TSPAN7: variants seen among roughly 807,000 people sequenced by gnomAD.
TSPAN7 encodes the protein tetraspanin 7.
Under a neutral mutation model 17.6 loss-of-function variants are expected in TSPAN7, and 1 was observed. The ratio of observed to expected loss-of-function variants is 0.06; its 90% CI spans 0.02 to 0.27. TSPAN7 has a LOEUF of 0.27. TSPAN7 is among the 10% of genes least tolerant of loss of function. TSPAN7 has a pLI of 1.00. For missense variants in TSPAN7, 112 were observed against 201.7 expected, an observed-to-expected ratio of 0.56 and a Z score of 2.69; for synonymous variants, 78 against 79.0, an observed-to-expected ratio of 0.99 and a Z score of 0.07.
At chrX:38,658,339 C>T (rs1417947616) in intron 1 of TSPAN7, among the ~76,000 whole-genome samples, 1 of 105,798 alleles carries the variant, frequency 9.5e-6, no homozygotes, top group East Asian at 2.9e-4. Flanking sequence ...TGCTGACACA[C>T]CTGGCTAATT....
At chrX:38,578,091 A>G (rs1170357531) in intron 1 of TSPAN7, among the ~76,000 whole-genome samples, 2 of 111,219 alleles carry the variant, frequency 1.8e-5, no homozygotes, top group African/African-American at 6.6e-5. Flanking sequence ...AAAATGGGTG[A>G]TCAGGTAGAT....
At chrX:38,650,984 T>G (rs2069672411) in intron 1 of TSPAN7, among the ~76,000 whole-genome samples, 1 of 109,431 alleles carries the variant, frequency 9.1e-6, no homozygotes, top group Non-Finnish European at 1.9e-5. Context: ...TAATGTGTCC[T>G]TGATGAGAGC....
rs71903430 is a variant in TSPAN7, at chrX:38,659,001, T to TAC, written c.82-7083_82-7082dup. Among the ~76,000 whole-genome samples the TAC allele has an allele frequency of 9.3e-3, 890 of 96,170 alleles. 17 individuals carry two copies. The highest frequency in any genetic ancestry group is 0.032 in the African/African-American group (827 of 25,492). 83.5% of individuals were successfully genotyped at this position (96,170 alleles called of 115,157 possible). On this transcript the variant is annotated intron_variant, in intron 1 of 7. Transcript: ENST00000378482. ...GCCATATAACATGTATTATCTTCCA[T>TAC]ACACACACACACACACACACACACA...
chrX:38,588,530 T>A (rs1355605900), intron 1 of TSPAN7, among the ~76,000 whole-genome samples: 1 of 112,026 alleles, frequency 8.9e-6, no homozygotes, highest in East Asian at 2.8e-4. Context: ...CTTAGCCTTA[T>A]CCATCAATCA....
chrX:38,590,122 CT>C (rs1349059161), intron 1 of TSPAN7, among the ~76,000 whole-genome samples: 1 of 111,137 alleles, frequency 9.0e-6, no homozygotes, highest in Non-Finnish European at 1.9e-5. Flanking sequence ...TTTTTTGTGA[CT>C]TTTTTTTGTG....
At chrX:38,677,595 A>G (rs2069862761) in intron 5 of TSPAN7, among the ~76,000 whole-genome samples, 1 of 111,944 alleles carries the variant, frequency 8.9e-6, no homozygotes. Context: ...CCTTCCCACT[A>G]TAATCCAACT....
At chrX:38,681,396 G>A (rs952634181) in intron 6 of TSPAN7, 109 bp downstream of exon 6, 2 of 644,148 alleles carry the variant, frequency 3.1e-6, no homozygotes, top group African/African-American at 2.2e-5. Flanking sequence ...CTGATAGATG[G>A]GGTCAAAGCT....
At chrX:38,583,402 A>G (rs748818196) in intron 1 of TSPAN7, among the ~76,000 whole-genome samples, 2 of 111,930 alleles carry the variant, frequency 1.8e-5, no homozygotes, top group South Asian at 7.5e-4. Context: ...TATCGTAATC[A>G]TTTGCTTACC....
At chrX:38,595,078 G>T (rs759672051) in intron 1 of TSPAN7, among the ~76,000 whole-genome samples, 1 of 110,999 alleles carries the variant, frequency 9.0e-6, no homozygotes, top group Non-Finnish European at 1.9e-5. Context: ...TATTTTTAAC[G>T]AATAATCTTG....
At chrX:38,571,210 G>A (rs1209328067) in intron 1 of TSPAN7, among the ~76,000 whole-genome samples, 1 of 111,194 alleles carries the variant, frequency 9.0e-6, no homozygotes, top group African/African-American at 3.3e-5. Flanking sequence ...AGAGGATGAT[G>A]AGATGAGTCA....
At chrX:38,594,972 T>C (rs1268964830) in intron 1 of TSPAN7, among the ~76,000 whole-genome samples, 1 of 111,756 alleles carries the variant, frequency 8.9e-6, no homozygotes, top group Admixed American at 9.5e-5. Context: ...CTTTTTTTTA[T>C]AGCAGCTTGG....
At chrX:38,613,092 A>G (rs2069430851) in intron 1 of TSPAN7, among the ~76,000 whole-genome samples, 1 of 111,921 alleles carries the variant, frequency 8.9e-6, no homozygotes, top group South Asian at 3.7e-4. Flanking sequence ...AATCTCCATA[A>G]CAGTTATCTG....
intron 1 of TSPAN7, among the ~76,000 whole-genome samples, chrX:38,652,687 A>G (rs2069681633): frequency 2.7e-5 from 3 of 112,473 alleles, no homozygotes; most frequent in South Asian, 3.7e-4. Flanking sequence ...ATGCCCAATA[A>G]GGGGCACGGG....
intron 1 of TSPAN7, among the ~76,000 whole-genome samples, chrX:38,660,714 C>T (rs942016152): frequency 8.9e-6 from 1 of 112,103 alleles, no homozygotes; most frequent in Non-Finnish European, 1.9e-5. Flanking sequence ...CCTACGATCT[C>T]GCCTGTGTGT....
chrX:38,561,912 C>G (rs1474135419), intron 1 of TSPAN7, among the ~76,000 whole-genome samples: 1 of 111,767 alleles, frequency 8.9e-6, no homozygotes, highest in African/African-American at 3.3e-5. Context: ...GCATTAGTTT[C>G]TTTTATAATC....
At chrX:38,630,454 A>G (rs977932983) in intron 1 of TSPAN7, among the ~76,000 whole-genome samples, 2 of 111,596 alleles carry the variant, frequency 1.8e-5, no homozygotes, top group Non-Finnish European at 3.8e-5. Flanking sequence ...ACCTCCATCT[A>G]ACCTCAAAGT....
At chrX:38,668,422 CT>C (rs1295225405) in intron 2 of TSPAN7, among the ~76,000 whole-genome samples, 1 of 112,293 alleles carries the variant, frequency 8.9e-6, no homozygotes, top group African/African-American at 3.2e-5. Flanking sequence ...TTTTCTTCTC[CT>C]AACACAAGTT....
intron 1 of TSPAN7, among the ~76,000 whole-genome samples, chrX:38,601,277 T>G (rs960738936): frequency 9.0e-6 from 1 of 111,431 alleles, no homozygotes; most frequent in Non-Finnish European, 1.9e-5. Context: ...TTTTGAGACT[T>G]AGATAATCAC....
chrX:38,610,768 C>G (rs191174935), intron 1 of TSPAN7, among the ~76,000 whole-genome samples: 163 of 112,433 alleles, frequency 1.4e-3, no homozygotes, highest in Admixed American at 3.2e-3. Context: ...CACAATGGAG[C>G]AATCTTCTTC....
Sources: gnomAD v4.1 joint callset for allele counts (sites outside exome capture counted in the v4.1 genomes callset) on GRCh38, gnomAD v4.1.1 for gene constraint, MANE v1.5 for transcripts, NCBI Gene and HGNC (gene_info 2026-07-23, HGNC 2026-07-21) for gene names.